PHF20: variants seen among roughly 807,000 people sequenced by gnomAD.
PHF20 encodes PHD finger protein 20, also known as glioma-expressed antigen 2.
Under a neutral mutation model 113.5 loss-of-function variants are expected in PHF20, and 23 were observed. The ratio of observed to expected loss-of-function variants is 0.20; its 90% CI spans 0.15 to 0.29. PHF20 has a LOEUF of 0.29. Among genes scored for constraint, PHF20 ranks in the 10% least tolerant of loss-of-function variants. The pLI is 1.00. For missense variants in PHF20, 943 were observed against 1,219.6 expected (o/e 0.77, Z 3.38); for synonymous variants, 434 against 457.3 (o/e 0.95, Z 0.65).
chr20:35,944,286 C>G (rs1260773101), intron 17 of PHF20, among the ~76,000 whole-genome samples: 3 of 152,172 alleles, frequency 2.0e-5, no homozygotes, highest in African/African-American at 7.2e-5. Context: ...GCTTCCATCT[C>G]AGGAACTCCA....
At chr20:35,923,454 A>C (rs1405916470) in intron 13 of PHF20, among the ~76,000 whole-genome samples, 1 of 152,208 alleles carries the variant, frequency 6.6e-6, no homozygotes, top group Non-Finnish European at 1.5e-5. Flanking sequence ...TTAAATAAAA[A>C]TTAAGTAAAT....
intron 8 of PHF20, 40 bp downstream of exon 8, chr20:35,871,174 T>C (rs1023838553): frequency 1.3e-6 from 2 of 1,486,598 alleles, no homozygotes; most frequent in Non-Finnish European, 1.8e-6. Context: ...CCAACCTGGT[T>C]CCTATTTAGT....
Position 35,799,889 on chromosome 20 carries a change from A to T in PHF20, c.-32-1602A>T, listed in dbSNP as rs1600747129. On this transcript the variant is annotated intron_variant, in intron 1 of 17. Coordinates refer to ENST00000374012, the MANE Select transcript of PHF20 (RefSeq NM_016436.5). ...ACCATGTTGGCCAGGCTGGTCTCAAACTCCTGACCTTGTGATCCGCCTGCC... is the reference window on the plus strand; with the variant it reads ...ACCATGTTGGCCAGGCTGGTCTCAATCTCCTGACCTTGTGATCCGCCTGCC... 2.6e-5 allele frequency among the ~76,000 whole-genome samples: 4 copies of T among 151,806 alleles called. No individual in the cohort carries two copies. In the South Asian group the frequency reaches 8.3e-4, roughly 32 times the overall value.
intron 2 of PHF20, among the ~76,000 whole-genome samples, chr20:35,837,652 G>A (rs534855314): frequency 9.6e-4 from 146 of 152,336 alleles, no homozygotes; most frequent in African/African-American, 3.4e-3. Context: ...CAACCTAATA[G>A]TTTTAAAGCC....
At chr20:35,793,683 A>G (rs2041604771) in intron 1 of PHF20, among the ~76,000 whole-genome samples, 1 of 151,664 alleles carries the variant, frequency 6.6e-6, no homozygotes, top group South Asian at 2.1e-4. Context: ...TCCCACAATT[A>G]CTTATCTCTG....
chr20:35,818,269 C>T (rs748835909), intron 2 of PHF20, among the ~76,000 whole-genome samples: 2 of 151,734 alleles, frequency 1.3e-5, no homozygotes, highest in South Asian at 4.2e-4. Context: ...AGCAAGACTC[C>T]GTCTCAAAAA....
At chr20:35,781,073 G>A (rs954932784) in intron 1 of PHF20, among the ~76,000 whole-genome samples, 3 of 151,088 alleles carry the variant, frequency 2.0e-5, no homozygotes, top group African/African-American at 4.9e-5. Flanking sequence ...GTCTGGTCTC[G>A]AACCCCTGAC....
chr20:35,808,356 A>G (rs1281254479), intron 2 of PHF20, among the ~76,000 whole-genome samples: 1 of 151,948 alleles, frequency 6.6e-6, no homozygotes, highest in Non-Finnish European at 1.5e-5. Flanking sequence ...TTGTTGTTTG[A>G]CTTTAACAGG....
chr20:35,809,578 CAA>C (rs770576683), intron 2 of PHF20, among the ~76,000 whole-genome samples: 42 of 99,658 alleles, frequency 4.2e-4, no homozygotes, highest in Admixed American at 1.1e-3. Flanking sequence ...GACTTTGTCT[CAA>C]AAAAAAAAAA....
chr20:35,870,092 C>T (rs1011783768), intron 7 of PHF20, among the ~76,000 whole-genome samples: 48 of 151,728 alleles, frequency 3.2e-4, no homozygotes, highest in African/African-American at 9.5e-4. Context: ...ATCATGAGGA[C>T]GGGAGATTGA....
At chr20:35,932,558 GT>G (rs536703949) in intron 15 of PHF20, among the ~76,000 whole-genome samples, 32 of 150,778 alleles carry the variant, frequency 2.1e-4, no homozygotes, top group Admixed American at 5.3e-4. Flanking sequence ...AGCCTCCTGA[GT>G]AGCTGGGAAT....
At chr20:35,913,004 G>T (rs2055335793) in intron 10 of PHF20, among the ~76,000 whole-genome samples, 1 of 152,194 alleles carries the variant, frequency 6.6e-6, no homozygotes, top group African/African-American at 2.4e-5. Context: ...TGAAAGACAC[G>T]TAACCAATGA....
At chr20:35,814,591 A>G (rs1459887730) in intron 2 of PHF20, among the ~76,000 whole-genome samples, 3 of 148,990 alleles carry the variant, frequency 2.0e-5, no homozygotes, top group Admixed American at 2.0e-4. Context: ...ATAAATAAAT[A>G]GGCCGGGCGC....
At chr20:35,772,528 G>A (rs2041082554) in intron 1 of PHF20, among the ~76,000 whole-genome samples, 2 of 152,176 alleles carry the variant, frequency 1.3e-5, no homozygotes. Context: ...CTATTCTGGG[G>A]AGCACATTCC....
chr20:35,839,292 G>A (rs2042499000), intron 2 of PHF20, among the ~76,000 whole-genome samples: 1 of 151,054 alleles, frequency 6.6e-6, no homozygotes, highest in African/African-American at 2.4e-5. Context: ...TTGGGAGGCT[G>A]AGGCAGGAGA....
At chr20:35,887,415 G>A (rs1302038566) in intron 9 of PHF20, among the ~76,000 whole-genome samples, 1 of 152,166 alleles carries the variant, frequency 6.6e-6, no homozygotes, top group African/African-American at 2.4e-5. Flanking sequence ...ACTGGGGAGG[G>A]TTTCAGGCTT....
chr20:35,776,332 A>G lies in PHF20; in HGVS notation c.-33+4253A>G, dbSNP rs538029028. 2.0e-5 allele frequency among the ~76,000 whole-genome samples: 3 copies of G among 152,312 alleles called. No homozygotes were observed. The South Asian group carries it at 6.2e-4, about 32-fold the overall frequency. ...TTCTGGAAATGGGCCAGGAAAAGCC[A>G]GGATAAAGCTATGTTCCCCGACCTC... On this transcript the variant is annotated intron_variant, in intron 1 of 17. Coordinates refer to ENST00000374012, the MANE Select transcript of PHF20 (RefSeq NM_016436.5).
At position 35,948,712 on chromosome 20, in the gene PHF20, G is replaced by C. The variant is rs763571167; in HGVS notation, c.*1085G>C. ...ATTTGTACCTTTTGAGACAATATTT[G>C]TGTTACTTTTGCAGGTTACGGTTCC... On this transcript the variant is annotated 3_prime_UTR_variant, in exon 18 of 18. Coordinates refer to ENST00000374012, the MANE Select transcript of PHF20 (RefSeq NM_016436.5). 3.3e-5 allele frequency: 5 copies of C among 152,566 alleles called. No individual in the cohort carries two copies. Among genetic ancestry groups the C allele is most frequent in the Non-Finnish European group, 5.9e-5 (4 of 68,018 alleles). 9.5% of individuals were successfully genotyped at this position (152,566 alleles called of 1,614,324 possible).
chr20:35,812,313 C>T lies in PHF20; in HGVS notation c.83+10708C>T, dbSNP rs185445234. Among the ~76,000 whole-genome samples, 14 of 152,082 alleles carry T rather than the reference C, an allele frequency of 9.2e-5. No individual in the cohort carries two copies. In the East Asian group the frequency reaches 2.7e-3, roughly 29 times the overall value. On this transcript the variant is annotated intron_variant, in intron 2 of 17. Transcript: ENST00000374012. ...TTTTATTTTTATGTCTCTTTAGTTGCTTTGATTCCATGATAATCTTTCTTC... is the reference window on the plus strand; with the variant it reads ...TTTTATTTTTATGTCTCTTTAGTTGTTTTGATTCCATGATAATCTTTCTTC...
Sources: allele counts gnomAD v4.1 joint callset (sites outside exome capture counted in the v4.1 genomes callset), GRCh38; gene constraint gnomAD v4.1.1; transcripts MANE v1.5; gene names NCBI Gene and HGNC (gene_info 2026-07-23, HGNC 2026-07-21).